STRBP: variants seen among roughly 807,000 people sequenced by gnomAD.
The protein encoded by STRBP is spermatid perinuclear RNA binding protein, also known as spermatid perinuclear RNA-binding protein.
In STRBP, 13 loss-of-function variants were observed where a neutral mutation model predicts 80.1. The ratio of observed to expected loss-of-function variants is 0.16; its 90% CI spans 0.11 to 0.26. STRBP has a LOEUF of 0.26. Among genes scored for constraint, STRBP ranks in the 10% least tolerant of loss-of-function variants. The pLI is 1.00. For missense variants in STRBP, 485 were observed against 815.2 expected, an observed-to-expected ratio of 0.59 and a Z score of 4.93; for synonymous variants, 284 against 291.2, an observed-to-expected ratio of 0.98 and a Z score of 0.25.
intron 2 of STRBP, among the ~76,000 whole-genome samples, chr9:123,200,295 ATG>A (rs2039267563): frequency 6.6e-6 from 1 of 151,994 alleles, no homozygotes; most frequent in Non-Finnish European, 1.5e-5. Flanking sequence ...TATCTTTTTG[ATG>A]TGTTGTTGAA....
intron 3 of STRBP, among the ~76,000 whole-genome samples, chr9:123,181,469 A>G (rs907174675): frequency 2.6e-5 from 4 of 152,216 alleles, no homozygotes; most frequent in African/African-American, 9.6e-5. Context: ...TACATCTAAC[A>G]TTCTACTGGA....
chr9:123,161,543 A>G (rs2797460), intron 6 of STRBP, among the ~76,000 whole-genome samples: 147,626 of 152,234 alleles, frequency 0.97, 71,728 homozygotes, highest in East Asian at 1. Context: ...GAGATATACT[A>G]AAAATAAACT....
intron 6 of STRBP, among the ~76,000 whole-genome samples, chr9:123,169,190 G>A (rs2037901087): frequency 6.9e-6 from 1 of 145,072 alleles, no homozygotes; most frequent in African/African-American, 2.5e-5. Context: ...TTTTTTTTTG[G>A]CAGAGTCTTG....
At position 123,123,319 on chromosome 9, in the gene STRBP, G is replaced by T; in HGVS notation, c.*2278C>A. 1.0e-6 allele frequency: 1 copy of T among 985,362 alleles called. No homozygotes were observed. The highest frequency in any genetic ancestry group is 1.2e-6 in the Non-Finnish European group (1 of 829,932). The allele number at this position is 985,362 out of a possible 1,614,324, so 61.0% of individuals were successfully genotyped here. On this transcript the variant is annotated 3_prime_UTR_variant, in exon 19 of 19. Coordinates refer to ENST00000348403, the MANE Select transcript of STRBP (RefSeq NM_018387.5). ...TTTCTCTGCTCTTTCAGCTGTAAGTGGAATTTTCATTACAAAATGGAAGGG... is the reference window on the plus strand; with the variant it reads ...TTTCTCTGCTCTTTCAGCTGTAAGTTGAATTTTCATTACAAAATGGAAGGG...
intron 2 of STRBP, among the ~76,000 whole-genome samples, chr9:123,185,196 A>C (rs2038647273): frequency 6.6e-6 from 1 of 152,286 alleles, no homozygotes; most frequent in East Asian, 1.9e-4. Flanking sequence ...TAAACTCACA[A>C]AGAAAATAAC....
At chr9:123,229,443 A>G (rs1172577992) in intron 2 of STRBP, among the ~76,000 whole-genome samples, 1 of 152,250 alleles carries the variant, frequency 6.6e-6, no homozygotes, top group African/African-American at 2.4e-5. Flanking sequence ...AGAAGGGCAA[A>G]GAAATGAGAC....
At chr9:123,167,807 C>A (rs2037833217) in intron 6 of STRBP, among the ~76,000 whole-genome samples, 1 of 152,136 alleles carries the variant, frequency 6.6e-6, no homozygotes, top group African/African-American at 2.4e-5. Flanking sequence ...GACTCTCTTA[C>A]TTTATTACAA....
At chr9:123,266,342 C>T (rs914883090) in intron 1 of STRBP, among the ~76,000 whole-genome samples, 11 of 152,044 alleles carry the variant, frequency 7.2e-5, no homozygotes, top group Admixed American at 5.2e-4. Flanking sequence ...GCAGGCTCAA[C>T]GATCTCTCTG....
intron 2 of STRBP, among the ~76,000 whole-genome samples, chr9:123,212,416 A>G (rs1415127623): frequency 6.6e-6 from 1 of 152,206 alleles, no homozygotes. Context: ...TCAAACTACT[A>G]AAATTCGTAT....
intron 3 of STRBP, chr9:123,111,430 T>A (rs2035564921): frequency 1.4e-5 from 4 of 291,214 alleles, no homozygotes; most frequent in South Asian, 3.0e-5. Context: ...AGAAAAAGAG[T>A]CTGACTCGCA....
intron 1 of STRBP, among the ~76,000 whole-genome samples, chr9:123,244,049 CAA>C (rs1220649334): frequency 6.6e-6 from 1 of 152,122 alleles, no homozygotes; most frequent in African/African-American, 2.4e-5. Context: ...AATGGATAAA[CAA>C]ATTGTGATAT....
intron 3 of STRBP, among the ~76,000 whole-genome samples, chr9:123,183,588 T>C (rs993324067): frequency 6.6e-6 from 1 of 152,068 alleles, no homozygotes; most frequent in African/African-American, 2.4e-5. Context: ...TCATCTAACA[T>C]CACAAATTCA....
chr9:123,158,314 G>T lies in STRBP; in HGVS notation c.933+18C>A, dbSNP rs772225514. ...GTTATTTCACTAATAAGTCAGAGTG[G>T]CATGCTCAATCTTCTACCTGTGCAC... On this transcript the variant is annotated intron_variant, in intron 10 of 18. Coordinates refer to ENST00000348403, the MANE Select transcript of STRBP (RefSeq NM_018387.5). 2.5e-6 allele frequency: 4 copies of T among 1,605,234 alleles called. No individual in the cohort carries two copies. The highest frequency in any genetic ancestry group is 3.4e-6 in the Non-Finnish European group (4 of 1,172,340).
intron 13 of STRBP, among the ~76,000 whole-genome samples, chr9:123,143,159 A>G (rs1217491692): frequency 6.6e-6 from 1 of 152,206 alleles, no homozygotes; most frequent in African/African-American, 2.4e-5. Context: ...AGGAAATCTG[A>G]TGTCTCTAAG....
At position 123,124,936 on chromosome 9, in the gene STRBP, C is replaced by T. The variant is rs1050499098; in HGVS notation, c.*661G>A. ...AACAATCACCTTTGCTTTGTTTTAGCACTTTGCTTACAAGTGAATGGGCTT... is the reference window on the plus strand; with the variant it reads ...AACAATCACCTTTGCTTTGTTTTAGTACTTTGCTTACAAGTGAATGGGCTT... On this transcript the variant is annotated 3_prime_UTR_variant, in exon 19 of 19. Transcript: ENST00000348403. The T allele has an allele frequency of 1.3e-5, 13 of 985,606 alleles. No homozygotes were observed. Among genetic ancestry groups the T allele is most frequent in the African/African-American group, 1.7e-5 (1 of 57,234 alleles). The allele number at this position is 985,606 out of a possible 1,614,324, so 61.1% of individuals were successfully genotyped here.
chr9:123,229,744 C>T (rs1019849243), intron 2 of STRBP, among the ~76,000 whole-genome samples: 1 of 152,096 alleles, frequency 6.6e-6, no homozygotes, highest in Non-Finnish European at 1.5e-5. Flanking sequence ...GCAAGGTCAT[C>T]AGTTGAATGG....
At chr9:123,117,749 T>C (rs62578962), downstream of STRBP, among the ~76,000 whole-genome samples, 106 of 152,350 alleles carry the variant, frequency 7.0e-4, no homozygotes, top group Non-Finnish European at 1.4e-3. Flanking sequence ...GCCTTCAGAG[T>C]CTGGCTTAAA....
chr9:123,122,565 A>ACCAC lies in STRBP; in HGVS notation c.*3028_*3031dup. 8.9e-7 allele frequency: 1 copy of ACCAC among 1,127,988 alleles called. No homozygotes were observed. The highest frequency in any genetic ancestry group is 1.1e-6 in the Non-Finnish European group (1 of 913,248). The allele number at this position is 1,127,988 out of a possible 1,614,324, so 69.9% of individuals were successfully genotyped here. Reference sequence around the variant, plus strand: ...CTATATAAACTCAACTCCTTACTTCACCACCCATGCACTTCATCTAGTCAG... The same window carrying ACCAC: ...CTATATAAACTCAACTCCTTACTTCACCACCCACCCATGCACTTCATCTAGTCAG... On this transcript the variant is annotated 3_prime_UTR_variant, in exon 19 of 19. Coordinates refer to ENST00000348403, the MANE Select transcript of STRBP (RefSeq NM_018387.5).
intron 2 of STRBP, among the ~76,000 whole-genome samples, chr9:123,232,210 G>T (rs796196472): frequency 1.3e-5 from 2 of 152,270 alleles, no homozygotes; most frequent in African/African-American, 4.8e-5. Context: ...TACTTGGGAG[G>T]CTGACGCAGG....
Sources: allele counts gnomAD v4.1 joint callset (sites outside exome capture counted in the v4.1 genomes callset), GRCh38; gene constraint gnomAD v4.1.1; transcripts MANE v1.5; gene names NCBI Gene and HGNC (gene_info 2026-07-23, HGNC 2026-07-21).